AKAP8: variants seen among roughly 807,000 people sequenced by gnomAD.
AKAP8 encodes the protein A-kinase anchoring protein 8.
Under a neutral mutation model 67.5 loss-of-function variants are expected in AKAP8, and 24 were observed. The observed-to-expected ratio is 0.36, with a 90% CI of 0.26 to 0.50. The LOEUF (loss-of-function observed/expected upper bound fraction) is 0.50. AKAP8 is among the 20% of genes least tolerant of loss of function. AKAP8 has a pLI of 0.97. For missense variants in AKAP8, 971 were observed against 955.9 expected (o/e 1.02, Z -0.21); for synonymous variants, 400 against 371.1 (o/e 1.08, Z -0.90).
chr19:15,374,673 A>C, intron 2 of AKAP8, 38 bp from the exon 3 acceptor site: 1 of 1,611,878 alleles, frequency 6.2e-7, no homozygotes, highest in Non-Finnish European at 8.5e-7. Flanking sequence ...CCCTGTTTGC[A>C]GAACGAAGGC....
intron 13 of AKAP8, among the ~76,000 whole-genome samples, chr19:15,357,591 C>A (rs1273201060): frequency 6.6e-6 from 1 of 150,940 alleles, no homozygotes; most frequent in African/African-American, 2.4e-5. Context: ...ACCAAGAGAA[C>A]AAGACCCTGA....
intron 4 of AKAP8, among the ~76,000 whole-genome samples, chr19:15,373,548 T>C (rs994726053): frequency 4.0e-5 from 6 of 151,782 alleles, no homozygotes; most frequent in African/African-American, 1.5e-4. Flanking sequence ...AGGAATAGCA[T>C]GATGTAGAAA....
rs750388000 is a variant in AKAP8 at position 15,373,269 on chromosome 19, G to A, written c.443C>T (p.Pro148Leu). The change falls in exon 5 of 14, where the codon CCC becomes CTC. Residue 148 changes from proline to leucine, a missense_variant. Physicochemically the swap from Pro to Leu is moderately conservative, Grantham distance 98. Transcript: ENST00000269701. ...PCLPEHNPYR[P>L]SYSYDYEFDL... ...GAACTCATAGTCGTAGCTGTAGCTG[G>A]GGCGGTAGGGGTTGTGCTCCGGCAG... is the stretch of plus-strand genomic sequence containing the variant. 7 of 1,613,920 alleles carry A rather than the reference G, an allele frequency of 4.3e-6. No homozygotes were observed. Among genetic ancestry groups the A allele is most frequent in the Admixed American group, 1.7e-5 (1 of 60,012 alleles).
At chr19:15,356,397 A>C (rs1295331442) in intron 13 of AKAP8, among the ~76,000 whole-genome samples, 1 of 147,900 alleles carries the variant, frequency 6.8e-6, no homozygotes, top group Non-Finnish European at 1.5e-5. Context: ...TGGGCGACAG[A>C]GTCAGACTCC....
At chr19:15,370,866 G>A (rs535598176) in intron 7 of AKAP8, among the ~76,000 whole-genome samples, 86 of 152,128 alleles carry the variant, frequency 5.7e-4, no homozygotes, top group African/African-American at 2.0e-3. Context: ...TTGTGACCTC[G>A]TGATCCACCC....
In AKAP8 at chr19:15,354,714, T is replaced by G. The variant is rs1194344529; in HGVS notation, c.*201A>C. On this transcript the variant is annotated 3_prime_UTR_variant, in exon 14 of 14. Transcript: ENST00000269701. ...CCGCTAAGGACAATGTACTTCAGCT[T>G]TGAAACCTGGGCAAGAAGCCACACG... is the stretch of plus-strand genomic sequence containing the variant. The G allele has an allele frequency of 1.6e-6, 1 of 617,096 alleles. No individual in the cohort carries two copies. The allele number at this position is 617,096 out of a possible 1,614,324, so 38.2% of individuals were successfully genotyped here.
intron 1 of AKAP8, 85 bp downstream of exon 1, chr19:15,379,628 C>G: frequency 6.7e-7 from 1 of 1,496,500 alleles, no homozygotes; most frequent in Admixed American, 2.0e-5. Context: ...GGGACGAAGG[C>G]CCGGCCGGCG....
chr19:15,366,724 C>T (rs1206803881), intron 9 of AKAP8, among the ~76,000 whole-genome samples: 4 of 152,126 alleles, frequency 2.6e-5, no homozygotes, highest in Admixed American at 2.6e-4. Flanking sequence ...ATTCTCCTGC[C>T]TCAGCCTCCC....
chr19:15,373,611 G>A, intron 4 of AKAP8, 175 bp downstream of exon 4: 1 of 972,600 alleles, frequency 1.0e-6, no homozygotes, highest in Non-Finnish European at 1.5e-6. Flanking sequence ...CCGCCATGAA[G>A]AAAAGCAAGG....
intron 3 of AKAP8, 39 bp from the exon 4 acceptor site, chr19:15,374,104 C>T: frequency 1.3e-6 from 2 of 1,523,416 alleles, no homozygotes. Context: ...CTTCAGCAGC[C>T]ACGAGGCCTG....
At chr19:15,375,042 C>T (rs113419917) in intron 2 of AKAP8, among the ~76,000 whole-genome samples, 76 of 152,172 alleles carry the variant, frequency 5.0e-4, no homozygotes, top group Non-Finnish European at 5.7e-4. Flanking sequence ...GTCACGTCCT[C>T]AACTCAAGCG....
chr19:15,377,140 C>G (rs192230233), intron 1 of AKAP8, 126 bp from the exon 2 acceptor site: 48 of 1,057,280 alleles, frequency 4.5e-5, no homozygotes, highest in South Asian at 6.5e-5. Flanking sequence ...GACTCCCCCC[C>G]ACCCCACCAA....
At position 15,372,982 on chromosome 19, in the gene AKAP8, G is replaced by C. The variant is rs761573604; in HGVS notation, c.730C>G (p.Pro244Ala). Residue 244 changes from proline to alanine, a missense_variant, in exon 5 of 14, where the codon CCT becomes GCT. Physicochemically the swap from Pro to Ala is conservative, Grantham distance 27. Transcript: ENST00000269701. ...GLGGPSPSRP[P>A]PSLFSQSMAP... ...ATGGACTGGGAGAAGAGGGACGGAG[G>C]TGGCCGGCTGGGGGAGGGCCCTCCC... 2.6e-6 allele frequency: 4 copies of C among 1,565,608 alleles called. No individual in the cohort carries two copies. In the South Asian group the frequency reaches 3.6e-5, roughly 14 times the overall value.
intron 10 of AKAP8, 142 bp from the exon 11 acceptor site, chr19:15,361,964 CTG>C: frequency 7.3e-7 from 1 of 1,374,206 alleles, no homozygotes. Context: ...CCGGTTGTCC[CTG>C]TGACTCAGGG....
Position 15,369,105 on chromosome 19 carries a change from G to A in AKAP8, c.1073-783C>T, listed in dbSNP as rs1245850822. On this transcript the variant is annotated intron_variant, in intron 8 of 13. Transcript: ENST00000269701. This position sits in a 1 kb window ranked among gnomAD's most constrained non-coding sequence, Gnocchi z 4.6. Reference sequence around the variant, plus strand: ...CCCGAGACTGTCCCACGAAGATGGCGACCGGCGTGCGCTGCTCAGAAGCCT... The same window carrying A: ...CCCGAGACTGTCCCACGAAGATGGCAACCGGCGTGCGCTGCTCAGAAGCCT... 15 of 985,348 alleles carry A rather than the reference G, an allele frequency of 1.5e-5. No homozygotes were observed. Among genetic ancestry groups the A allele is most frequent in the Non-Finnish European group, 1.8e-5 (15 of 830,002 alleles). The allele number at this position is 985,348 out of a possible 1,614,324, so 61.0% of individuals were successfully genotyped here.
intron 9 of AKAP8, among the ~76,000 whole-genome samples, chr19:15,363,713 A>G (rs1209127225): frequency 6.6e-6 from 1 of 152,174 alleles, no homozygotes; most frequent in Non-Finnish European, 1.5e-5. Context: ...TGTGGAATAG[A>G]AAGGCGGGAA....
At chr19:15,356,001 G>C (rs1459549998) in intron 13 of AKAP8, among the ~76,000 whole-genome samples, 2 of 151,870 alleles carry the variant, frequency 1.3e-5, no homozygotes. Flanking sequence ...CTCCCAAAAT[G>C]CTGGGATTAC....
chr19:15,358,898 C>T (rs931005765), intron 13 of AKAP8, 69 bp downstream of exon 13: 1 of 1,429,818 alleles, frequency 7.0e-7, no homozygotes, highest in Non-Finnish European at 9.9e-7. Context: ...CTGGATTCAA[C>T]TCCCTGCTCC....
chr19:15,372,186 T>A (rs577752561), intron 6 of AKAP8, 32 bp downstream of exon 6: 3 of 1,612,960 alleles, frequency 1.9e-6, no homozygotes, highest in Admixed American at 3.3e-5. Flanking sequence ...CCATCCTACA[T>A]CTGTCTGGCC....
Sources: allele counts gnomAD v4.1 joint callset (sites outside exome capture counted in the v4.1 genomes callset), GRCh38; gene constraint gnomAD v4.1.1; non-coding constraint Gnocchi (gnomAD v3.1); transcripts MANE v1.5; gene names NCBI Gene and HGNC (gene_info 2026-07-23, HGNC 2026-07-21).